Variants in ABCA13 observed in about 807,000 individuals in gnomAD.
ABCA13 encodes the protein ATP-binding cassette sub-family A member 13.
ABCA13 carries 476 observed loss-of-function variants against 478.7 expected under a neutral mutation model. The observed-to-expected ratio is 0.99, with a 90% confidence interval of 0.92 to 1.07. The LOEUF (loss-of-function observed/expected upper bound fraction) is 1.07, where lower values mean the gene tolerates loss of function less well. ABCA13 is among the 50% of genes least tolerant of loss of function. The pLI is 0.00. For missense variants in ABCA13, 6,060 were observed against 5,910.6 expected (o/e 1.03, Z -0.83); for synonymous variants, 2,252 against 2,158.9 (o/e 1.04, Z -1.20).
rs865968660 is a variant in ABCA13, at chr7:48,238,689, C to G, written c.898-552C>G. Among the ~76,000 whole-genome samples the G allele has an allele frequency of 1.4e-4, 22 of 152,314 alleles. No homozygotes were observed. In the Middle Eastern group the frequency reaches 0.01, roughly 71 times the overall value. On this transcript the variant is annotated intron_variant, in intron 8 of 61. Coordinates refer to ENST00000435803, the MANE Select transcript of ABCA13 (RefSeq NM_152701.5). Reference sequence around the variant, plus strand: ...TTCACCATGTTAGCCAGGATGGTCTCTATCTCCTGACCTCGTGATCCACCC... The same window carrying G: ...TTCACCATGTTAGCCAGGATGGTCTGTATCTCCTGACCTCGTGATCCACCC...
chr7:48,223,291 G>A (rs1787638779), intron 5 of ABCA13, among the ~76,000 whole-genome samples: 2 of 152,190 alleles, frequency 1.3e-5, no homozygotes, highest in South Asian at 4.1e-4. Context: ...CCAGTTTGGA[G>A]CTGAGATAAA....
At position 48,471,589 on chromosome 7, in the gene ABCA13, G is replaced by T. The variant is rs763472167; in HGVS notation, c.12965G>T (p.Cys4322Phe). Residue 4322 changes from cysteine to phenylalanine, a missense_variant, in exon 45 of 62, where the codon TGT becomes TTT. Physicochemically the swap from Cys to Phe is radical, Grantham distance 205. Around this residue, in one of 3 missense-constraint regions of ABCA13, gnomAD observed 1,627 missense variants for 1,571.0 expected, o/e 1.04. Coordinates refer to ENST00000435803, the MANE Select transcript of ABCA13 (RefSeq NM_152701.5). Reference protein sequence around the residue: ...PFSHPEFQDSCGCLKCPNRSA... With the variant: ...PFSHPEFQDSFGCLKCPNRSA... ...TCTCACCCAGAATTCCAGGATTCAT[G>T]TGGCTGCCTGGTAGGTTTCTGCAGC... 6.4e-7 allele frequency: 1 copy of T among 1,562,880 alleles called. No homozygotes were observed. Among genetic ancestry groups the T allele is most frequent in the Non-Finnish European group, 8.7e-7 (1 of 1,151,798 alleles).
intron 61 of ABCA13, 57 bp from the exon 62 acceptor site, chr7:48,645,360 G>A (rs747497483): frequency 7.3e-7 from 1 of 1,375,086 alleles, no homozygotes; most frequent in East Asian, 2.5e-5. Flanking sequence ...TTTCTAATAA[G>A]TGAGACCAAA....
Position 48,564,034 on chromosome 7 carries a change from C to G in ABCA13, c.14355-16190C>G, listed in dbSNP as rs141419752. On this transcript the variant is annotated intron_variant, in intron 55 of 61. Transcript: ENST00000435803. The stretch of plus-strand genomic sequence containing the variant: ...CCTAACTCCACATGTCATCTCCTCT[C>G]TTTCTTTTTAAATAGATCTCCTTTC... 2.0e-3 allele frequency among the ~76,000 whole-genome samples: 299 copies of G among 152,176 alleles called. 3 individuals carry two copies. Among genetic ancestry groups the G allele is most frequent in the South Asian group, 0.015 (73 of 4,822 alleles).
At chr7:48,194,906 G>C (rs1797730005) in intron 2 of ABCA13, among the ~76,000 whole-genome samples, 1 of 152,138 alleles carries the variant, frequency 6.6e-6, no homozygotes, top group African/African-American at 2.4e-5. Flanking sequence ...GTTTCAGGCT[G>C]AGAATAAAAT....
At chr7:48,626,196 T>G (rs1176191074) in intron 59 of ABCA13, among the ~76,000 whole-genome samples, 1 of 152,102 alleles carries the variant, frequency 6.6e-6, no homozygotes, top group Non-Finnish European at 1.5e-5. Flanking sequence ...AAAAATTATG[T>G]AAGAAAGACC....
At chr7:48,464,184 T>C in intron 43 of ABCA13, among the ~76,000 whole-genome samples, 1 of 152,236 alleles carries the variant, frequency 6.6e-6, no homozygotes, top group Non-Finnish European at 1.5e-5. Context: ...CTTTAAAATA[T>C]AGCCAGGAGT....
chr7:48,342,362 G>T (rs774880124), intron 29 of ABCA13, among the ~76,000 whole-genome samples: 1 of 151,848 alleles, frequency 6.6e-6, no homozygotes, highest in Non-Finnish European at 1.5e-5. Context: ...TATGACTGTG[G>T]GATTGCCTAT....
At position 48,346,020 on chromosome 7, in the gene ABCA13, T is replaced by C. The variant is rs751229704; in HGVS notation, c.10205-4623T>C. 1.2e-4 allele frequency among the ~76,000 whole-genome samples: 18 copies of C among 152,340 alleles called. No homozygotes were observed. The South Asian group carries it at 3.3e-3, about 28-fold the overall frequency. ...CAATTGCCTACAGCATTCAGTACAA[T>C]AACATTCTATGCAGGTTTGTAGCCT... On this transcript the variant is annotated intron_variant, in intron 29 of 61. Coordinates refer to ENST00000435803, the MANE Select transcript of ABCA13 (RefSeq NM_152701.5).
chr7:48,422,055 CAAAA>C (rs4022355), intron 41 of ABCA13, among the ~76,000 whole-genome samples: 2 of 80,578 alleles, frequency 2.5e-5, no homozygotes, highest in African/African-American at 4.4e-5. Flanking sequence ...GTCTTTCTTA[CAAAA>C]AAAAAAAAAA....
intron 35 of ABCA13, among the ~76,000 whole-genome samples, chr7:48,387,372 C>A (rs2129050877): frequency 6.6e-6 from 1 of 152,206 alleles, no homozygotes; most frequent in African/African-American, 2.4e-5. Flanking sequence ...AATTATTCTT[C>A]TTTATGGAAA....
rs545256366 is a variant in ABCA13, at chr7:48,581,550, G to A, written c.14505+1176G>A. On this transcript the variant is annotated intron_variant, in intron 56 of 61. Transcript: ENST00000435803. ...CTCTTTGTTAGTTTTTGATGAAAGAGGCGGGTGCTTGGCAAAGGCTTTAAG... is the reference window on the plus strand; with the variant it reads ...CTCTTTGTTAGTTTTTGATGAAAGAAGCGGGTGCTTGGCAAAGGCTTTAAG... Among the ~76,000 whole-genome samples the A allele has an allele frequency of 1.7e-4, 26 of 152,320 alleles. No individual in the cohort carries two copies. The South Asian group carries it at 3.9e-3, about 23-fold the overall frequency.
At chr7:48,196,653 C>T (rs1797976595) in intron 2 of ABCA13, among the ~76,000 whole-genome samples, 1 of 152,156 alleles carries the variant, frequency 6.6e-6, no homozygotes, top group Admixed American at 6.5e-5. Flanking sequence ...TGTTACCATG[C>T]CAGGTCTTTA....
At chr7:48,622,693 T>G (rs10272766) in intron 59 of ABCA13, among the ~76,000 whole-genome samples, 35,446 of 152,120 alleles carry the variant, frequency 0.23, 4,965 homozygotes, top group Middle Eastern at 0.36. Context: ...ATATATAGAT[T>G]ATCTAGCAAT....
chr7:48,302,710 G>A (rs879374404), intron 23 of ABCA13, among the ~76,000 whole-genome samples: 2 of 152,180 alleles, frequency 1.3e-5, no homozygotes, highest in Non-Finnish European at 2.9e-5. Flanking sequence ...ATTCCATGGT[G>A]TATATGTACC....
At chr7:48,291,115 T>C (rs1798474743) in intron 20 of ABCA13, among the ~76,000 whole-genome samples, 1 of 152,174 alleles carries the variant, frequency 6.6e-6, no homozygotes, top group African/African-American at 2.4e-5. Context: ...ACCATCCTTT[T>C]TCTTTCTGCT....
intron 23 of ABCA13, among the ~76,000 whole-genome samples, chr7:48,304,413 T>C (rs1470030054): frequency 2.0e-5 from 3 of 152,248 alleles, no homozygotes; most frequent in Non-Finnish European, 4.4e-5. Flanking sequence ...CTTTCTGCAG[T>C]GGCTGAACTA....
Position 48,387,847 on chromosome 7 carries a change from G to T in ABCA13, c.11361G>T (p.Trp3787Cys), listed in dbSNP as rs1815422443. The T allele has an allele frequency of 6.3e-6, 10 of 1,595,656 alleles. No homozygotes were observed. The highest frequency in any genetic ancestry group is 2.2e-5 in the East Asian group (1 of 44,654). ...IPGTFGLRKPWYFPFTASYWK... is the reference protein window; with the variant it reads ...IPGTFGLRKPCYFPFTASYWK... ...GAACATTTGGTTTACGGAAACCATG[G>T]TATTTCCCCTTTACTGCCTCATATT... Residue 3787 changes from tryptophan (W) to cysteine (C), a missense_variant, in exon 36 of 62, where the codon TGG becomes TGT. Physicochemically the swap from Trp to Cys is radical, Grantham distance 215. Around this residue, in one of 3 missense-constraint regions of ABCA13, gnomAD observed 1,627 missense variants for 1,571.0 expected, o/e 1.04. Transcript: ENST00000435803.
chr7:48,530,350 A>G (rs1197566087), intron 55 of ABCA13, among the ~76,000 whole-genome samples: 1 of 151,824 alleles, frequency 6.6e-6, no homozygotes, highest in African/African-American at 2.4e-5. Context: ...ATAGATGTAT[A>G]TATACACATA....
Sources: gnomAD v4.1 joint callset for allele counts (sites outside exome capture counted in the v4.1 genomes callset) on GRCh38, gnomAD v4.1.1 for gene constraint, gnomAD v4.1.1 regional missense constraint, MANE v1.5 for transcripts, NCBI Gene and HGNC (gene_info 2026-07-23, HGNC 2026-07-21) for gene names.